PPP1R9A: variants seen among roughly 807,000 people sequenced by gnomAD.
PPP1R9A encodes protein phosphatase 1 regulatory subunit 9A.
In PPP1R9A, 59 loss-of-function variants were observed where a neutral mutation model predicts 141.9. The observed-to-expected ratio is 0.42, with a 90% CI of 0.34 to 0.52. The LOEUF is 0.52. PPP1R9A is among the 20% of genes least tolerant of loss of function. The pLI is 0.10. For synonymous variants in PPP1R9A, 500 were observed against 569.7 expected (o/e 0.88, Z 1.74); for missense variants, 1,444 against 1,611.9 (o/e 0.90, Z 1.78).
At chr7:95,226,171 A>G in intron 8 of PPP1R9A, 55 bp downstream of exon 8, 2 of 1,504,042 alleles carry the variant, frequency 1.3e-6, no homozygotes, top group Non-Finnish European at 1.8e-6. Context: ...CATTAAGTAT[A>G]TATTTCTGTT....
At chr7:95,134,592 C>T (rs1159902143) in intron 4 of PPP1R9A, among the ~76,000 whole-genome samples, 1 of 152,074 alleles carries the variant, frequency 6.6e-6, no homozygotes, top group African/African-American at 2.4e-5. Flanking sequence ...TGTACCACTA[C>T]GCCCAGCTAG....
chr7:95,059,985 C>A (rs1812007949), intron 2 of PPP1R9A, among the ~76,000 whole-genome samples: 2 of 152,118 alleles, frequency 1.3e-5, no homozygotes, highest in African/African-American at 4.8e-5. Flanking sequence ...GGAGAAGATA[C>A]AGGCTGAGAG....
chr7:95,006,392 T>A (rs1301298680), intron 2 of PPP1R9A, among the ~76,000 whole-genome samples: 1 of 151,832 alleles, frequency 6.6e-6, no homozygotes, highest in Non-Finnish European at 1.5e-5. Context: ...TAATTTTTGT[T>A]ATTTTTAGTA....
chr7:94,965,696 G>A (rs773481028), intron 2 of PPP1R9A, among the ~76,000 whole-genome samples: 1 of 152,118 alleles, frequency 6.6e-6, no homozygotes, highest in Non-Finnish European at 1.5e-5. Flanking sequence ...TTGGGTAGCA[G>A]TACCATGCTG....
At chr7:95,116,847 A>T (rs760499088) in intron 3 of PPP1R9A, among the ~76,000 whole-genome samples, 11 of 152,164 alleles carry the variant, frequency 7.2e-5, no homozygotes, top group Non-Finnish European at 1.3e-4. Context: ...AATCCAGAAA[A>T]AGATGTTAGT....
At chr7:94,922,053 A>G (rs1792911857) in intron 2 of PPP1R9A, among the ~76,000 whole-genome samples, 2 of 150,914 alleles carry the variant, frequency 1.3e-5, no homozygotes, top group African/African-American at 4.8e-5. Context: ...AGAATTACCT[A>G]TTATTTAGGA....
Position 95,097,185 on chromosome 7 carries a change from A to G in PPP1R9A, c.1396-14074A>G, listed in dbSNP as rs559297939. 1.9e-3 allele frequency among the ~76,000 whole-genome samples: 292 copies of G among 152,072 alleles called. 2 individuals are homozygous for G. Among genetic ancestry groups the G allele is most frequent in the African/African-American group, 6.6e-3 (273 of 41,512 alleles). On this transcript the variant is annotated intron_variant, in intron 2 of 19. Transcript: ENST00000433360. ...ATTACAGGCACCTGCCACTACGCCC[A>G]GCTAATTTTTTTGTATTTTTAGTAG...
chr7:94,940,291 C>G (rs573095026), intron 2 of PPP1R9A, among the ~76,000 whole-genome samples: 1 of 152,122 alleles, frequency 6.6e-6, no homozygotes, highest in African/African-American at 2.4e-5. Flanking sequence ...ATAACCATCT[C>G]TCATATTTTT....
chr7:94,953,349 T>G (rs1227189396), intron 2 of PPP1R9A, among the ~76,000 whole-genome samples: 1 of 152,210 alleles, frequency 6.6e-6, no homozygotes, highest in African/African-American at 2.4e-5. Flanking sequence ...CCATGCTGTT[T>G]TAGTTACTGT....
Position 95,056,498 on chromosome 7 carries a change from G to A in PPP1R9A, c.1396-54761G>A, listed in dbSNP as rs138257699. Among the ~76,000 whole-genome samples the A allele has an allele frequency of 5.7e-3, 868 of 152,240 alleles. 9 individuals carry two copies. The highest frequency in any genetic ancestry group is 0.019 in the African/African-American group (807 of 41,556). On this transcript the variant is annotated intron_variant, in intron 2 of 19. Coordinates refer to ENST00000433360, the MANE Select transcript of PPP1R9A (RefSeq NM_001166160.2). ...ACCCTGGGGCTCACAGTGGTTTGAG[G>A]TTAATGAAGTGTTGCATTCTTATTA...
chr7:95,118,033 T>C (rs1821826511), intron 3 of PPP1R9A, among the ~76,000 whole-genome samples: 1 of 152,178 alleles, frequency 6.6e-6, no homozygotes, highest in Admixed American at 6.5e-5. Context: ...ATTCATTTTC[T>C]TGAGAAACCC....
At chr7:95,206,284 G>A (rs571390240) in intron 7 of PPP1R9A, among the ~76,000 whole-genome samples, 1 of 152,204 alleles carries the variant, frequency 6.6e-6, no homozygotes, top group African/African-American at 2.4e-5. Flanking sequence ...ATGGAGTTTT[G>A]CCAGGCTTGA....
chr7:95,251,926 T>G (rs143713431), intron 11 of PPP1R9A, 33 bp from the exon 12 acceptor site: 1 of 1,608,354 alleles, frequency 6.2e-7, no homozygotes, highest in East Asian at 2.2e-5. Flanking sequence ...GAGCGCTAGT[T>G]TAGAGTTTTA....
intron 6 of PPP1R9A, among the ~76,000 whole-genome samples, chr7:95,202,288 G>A (rs1379002054): frequency 6.6e-6 from 1 of 151,496 alleles, no homozygotes; most frequent in Non-Finnish European, 1.5e-5. Context: ...TTTAAAATAA[G>A]CAAACAGCCA....
At chr7:95,244,779 C>G (rs1585430278) in intron 8 of PPP1R9A, among the ~76,000 whole-genome samples, 2 of 152,122 alleles carry the variant, frequency 1.3e-5, no homozygotes, top group East Asian at 3.9e-4. Flanking sequence ...TTGAGTTATT[C>G]AGATCATTCT....
chr7:94,971,782 A>G (rs894447900), intron 2 of PPP1R9A, among the ~76,000 whole-genome samples: 11 of 152,346 alleles, frequency 7.2e-5, no homozygotes, highest in African/African-American at 2.6e-4. Context: ...TATTTTAACA[A>G]TCTCTTCAGT....
At chr7:95,043,255 T>C (rs560627699) in intron 2 of PPP1R9A, among the ~76,000 whole-genome samples, 1 of 152,194 alleles carries the variant, frequency 6.6e-6, no homozygotes, top group African/African-American at 2.4e-5. Context: ...GGTACCTCAG[T>C]AGGATAATAT....
At chr7:95,261,524 G>GTT (rs200636813) in intron 12 of PPP1R9A, among the ~76,000 whole-genome samples, 4 of 150,604 alleles carry the variant, frequency 2.7e-5, no homozygotes, top group African/African-American at 7.3e-5. Context: ...GACACTAAGG[G>GTT]TTTTTTTTTG....
At chr7:95,188,447 G>A (rs572552575) in intron 5 of PPP1R9A, among the ~76,000 whole-genome samples, 2 of 152,084 alleles carry the variant, frequency 1.3e-5, no homozygotes, top group African/African-American at 4.8e-5. Context: ...CTACCATTCT[G>A]TATCTTTTAA....
Sources: gnomAD v4.1 joint callset for allele counts (sites outside exome capture counted in the v4.1 genomes callset) on GRCh38, gnomAD v4.1.1 for gene constraint, MANE v1.5 for transcripts, NCBI Gene and HGNC (gene_info 2026-07-23, HGNC 2026-07-21) for gene names.